NR3C1: variants seen among roughly 807,000 people sequenced by gnomAD.
The protein encoded by NR3C1 is glucocorticoid receptor.
NR3C1 carries 14 observed loss-of-function variants against 74.0 expected under a neutral mutation model. That is an observed-to-expected ratio of 0.19 (90% CI 0.12 to 0.30). The LOEUF (loss-of-function observed/expected upper bound fraction) is 0.30, where lower values mean the gene tolerates loss of function less well. NR3C1 is among the 10% of genes least tolerant of loss of function. The pLI, the probability that NR3C1 is intolerant of heterozygous loss-of-function variation, is 1.00. For missense variants in NR3C1, 695 were observed against 909.8 expected (o/e 0.76, Z 3.04); for synonymous variants, 308 against 332.5 (o/e 0.93, Z 0.80).
intron 4 of NR3C1, among the ~76,000 whole-genome samples, chr5:143,306,361 T>TA (rs11395012): frequency 0.19 from 28,999 of 151,340 alleles, 2,860 homozygotes; most frequent in Middle Eastern, 0.25. Context: ...TGAAGGTTGT[T>TA]AAAAAAAAAG....
At chr5:143,282,501 T>C in intron 8 of NR3C1, 67 bp downstream of exon 8, 1 of 1,585,054 alleles carries the variant, frequency 6.3e-7, no homozygotes, top group Non-Finnish European at 8.7e-7. Flanking sequence ...TATATAATTA[T>C]ATTCACTAAT....
intron 1 of NR3C1, among the ~76,000 whole-genome samples, chr5:143,412,004 C>T (rs1841309512): frequency 6.6e-6 from 1 of 151,962 alleles, no homozygotes; most frequent in Admixed American, 6.6e-5. Flanking sequence ...GTAAGCAAAG[C>T]AGTCATCCAG....
At chr5:143,431,157 G>A (rs899299695) in intron 1 of NR3C1, among the ~76,000 whole-genome samples, 6 of 152,068 alleles carry the variant, frequency 3.9e-5, no homozygotes, top group Admixed American at 1.3e-4. Context: ...CCAGGGTTCC[G>A]GGACTGGGTA....
In NR3C1 at chr5:143,279,001, C is replaced by T; in HGVS notation, c.*2888G>A. The T allele has an allele frequency of 4.0e-6, 1 of 248,622 alleles. No homozygotes were observed. Among genetic ancestry groups the T allele is most frequent in the Non-Finnish European group, 7.6e-6 (1 of 130,752 alleles). 15.4% of individuals were successfully genotyped at this position (248,622 alleles called of 1,614,324 possible). On this transcript the variant is annotated 3_prime_UTR_variant, in exon 9 of 9. Transcript: ENST00000394464. ...TCAGTTCTGCTTGTATAGTATCCCACAGAATACCTACAAACACTAAAAATA... is the reference window on the plus strand; with the variant it reads ...TCAGTTCTGCTTGTATAGTATCCCATAGAATACCTACAAACACTAAAAATA...
rs115357812 is a variant in NR3C1, at chr5:143,303,272, A to G, written c.1469-2509T>C. Among the ~76,000 whole-genome samples, 1,147 of 151,798 alleles carry G rather than the reference A, an allele frequency of 7.6e-3. 3 individuals are homozygous for G. The highest frequency in any genetic ancestry group is 0.038 in the Middle Eastern group (11 of 292). Reference sequence around the variant, plus strand: ...GGGGGGGCGGGTGGAGTTTACTATGAAAGTATCATTTTTGTTTTCAGCTGA... The same window carrying G: ...GGGGGGGCGGGTGGAGTTTACTATGGAAGTATCATTTTTGTTTTCAGCTGA... On this transcript the variant is annotated intron_variant, in intron 4 of 8. Transcript: ENST00000394464.
At chr5:143,404,189 G>C (rs1332900067), upstream of NR3C1, 1 of 985,486 alleles carries the variant, frequency 1.0e-6, no homozygotes. Context: ...CGGCTGAGCT[G>C]CGTGAGTGGC....
intron 2 of NR3C1, among the ~76,000 whole-genome samples, chr5:143,392,035 G>A (rs1050074690): frequency 2.8e-4 from 42 of 151,524 alleles, no homozygotes; most frequent in African/African-American, 9.2e-4. Context: ...GTGCAACCTC[G>A]GCTCACTGCA....
intron 1 of NR3C1, among the ~76,000 whole-genome samples, chr5:143,425,988 T>G (rs1294228049): frequency 2.0e-5 from 3 of 152,124 alleles, no homozygotes; most frequent in Non-Finnish European, 4.4e-5. Context: ...AGCTCATGAG[T>G]GGATAAACAA....
At chr5:143,348,515 C>T (rs185300711) in intron 2 of NR3C1, among the ~76,000 whole-genome samples, 1 of 152,274 alleles carries the variant, frequency 6.6e-6, no homozygotes, top group African/African-American at 2.4e-5. Flanking sequence ...CGAAGTGACA[C>T]GCCACCTTCT....
chr5:143,328,118 C>T (rs1205693003), intron 2 of NR3C1, among the ~76,000 whole-genome samples: 6 of 152,232 alleles, frequency 3.9e-5, no homozygotes, highest in Non-Finnish European at 8.8e-5. Context: ...GTTCCCAAAC[C>T]TCAACTCTTG....
chr5:143,404,133 C>T, upstream of NR3C1: 1 of 985,430 alleles, frequency 1.0e-6, no homozygotes, highest in Non-Finnish European at 1.2e-6. Flanking sequence ...CGCCAGTGCC[C>T]CTGCGGGTGA....
Position 143,315,248 on chromosome 5 carries a change from G to A in NR3C1, c.1185-1080C>T, listed in dbSNP as rs118114692. 1.0e-3 allele frequency among the ~76,000 whole-genome samples: 155 copies of A among 152,260 alleles called. 3 individuals carry two copies. The East Asian group carries it at 0.022, about 22-fold the overall frequency. On this transcript the variant is annotated intron_variant, in intron 2 of 8. Transcript: ENST00000394464. ...GCATTTCATATTACATGACACAATG[G>A]TTTTCAATGTTGTATTTTCCTAAGG...
chr5:143,306,495 A>C (rs1464153158), intron 4 of NR3C1, among the ~76,000 whole-genome samples: 2 of 152,232 alleles, frequency 1.3e-5, no homozygotes, highest in African/African-American at 4.8e-5. Context: ...CAAAAATGAT[A>C]GTTTTACAGT....
chr5:143,399,585 A>C (rs1839856464), intron 2 of NR3C1, 71 bp downstream of exon 2: 2 of 1,145,330 alleles, frequency 1.7e-6, no homozygotes, highest in African/African-American at 3.1e-5. Context: ...CATATAAATC[A>C]ATGAAGATTT....
intron 2 of NR3C1, among the ~76,000 whole-genome samples, chr5:143,321,209 C>G (rs905270891): frequency 3.3e-5 from 5 of 152,136 alleles, no homozygotes; most frequent in African/African-American, 1.2e-4. Flanking sequence ...CAAGGTATCT[C>G]GAGCATCTTT....
chr5:143,390,100 CAT>C (rs922120935), intron 2 of NR3C1: 2 of 160,226 alleles, frequency 1.2e-5, no homozygotes, highest in African/African-American at 2.4e-5. Context: ...CACCACTACA[CAT>C]GTCTTCATCA....
Position 143,281,693 on chromosome 5 carries a change from A to C in NR3C1, c.*196T>G, listed in dbSNP as rs945538456. On this transcript the variant is annotated 3_prime_UTR_variant, in exon 9 of 9. Transcript: ENST00000394464. ...ACCATCTACTCTCCCATCACTGAAA[A>C]GTGATGACGACTCAACTGCTTCTGT... 1.8e-6 allele frequency: 1 copy of C among 569,740 alleles called. No homozygotes were observed. The highest frequency in any genetic ancestry group is 3.1e-6 in the Non-Finnish European group (1 of 321,626). The allele number at this position is 569,740 out of a possible 1,614,324, so 35.3% of individuals were successfully genotyped here. A position where few individuals can be genotyped will look rare whatever the true frequency, so the allele number is the denominator to read the frequency against.
In NR3C1 at chr5:143,399,751, A is replaced by G. The variant is rs1385091812; in HGVS notation, c.1089T>C (p.Asn363=). 2.5e-6 allele frequency: 4 copies of G among 1,614,160 alleles called. No individual in the cohort carries two copies. The highest frequency in any genetic ancestry group is 3.3e-5 in the Admixed American group (2 of 60,026). Residue 363 remains asparagine (N), a synonymous_variant, in exon 2 of 9, where the codon AAT becomes AAC. Coordinates refer to ENST00000394464, the MANE Select transcript of NR3C1 (RefSeq NM_000176.3). ...CTCCAGATCCTTGGCACCTATTCCA[A>G]TTTTCGGAACCAACGGGAATTGGTG... ...VIPPIPVGSE[N]WNRCQGSGDD... is the part of the protein sequence containing the mutation.
intron 2 of NR3C1, among the ~76,000 whole-genome samples, chr5:143,382,985 G>A (rs1211121411): frequency 6.6e-6 from 1 of 152,222 alleles, no homozygotes; most frequent in African/African-American, 2.4e-5. Context: ...GGTAAGGTCT[G>A]CCTGTCTTTG....
Sources: gnomAD v4.1 joint callset for allele counts (sites outside exome capture counted in the v4.1 genomes callset) on GRCh38, gnomAD v4.1.1 for gene constraint, MANE v1.5 for transcripts, NCBI Gene and HGNC (gene_info 2026-07-23, HGNC 2026-07-21) for gene names.